The following NIM1K variants were observed in gnomAD, a reference collection of about 807,000 sequenced individuals.
The protein encoded by NIM1K is NIM1 serine/threonine protein kinase.
NIM1K carries 35 observed loss-of-function variants against 37.1 expected under a neutral mutation model. That is an observed-to-expected ratio of 0.94 (90% CI 0.72 to 1.25). The LOEUF (loss-of-function observed/expected upper bound fraction) is 1.25, where lower values mean the gene tolerates loss of function less well. NIM1K is among the 50% of genes most tolerant of loss of function. The pLI, the probability that NIM1K is intolerant of heterozygous loss-of-function variation, is 0.00. For synonymous variants in NIM1K, 234 were observed against 206.6 expected, an observed-to-expected ratio of 1.13 and a Z score of -1.14; for missense variants, 564 against 548.0, an observed-to-expected ratio of 1.03 and a Z score of -0.29.
At chr5:43,259,838 T>A (rs964248436) in intron 2 of NIM1K, among the ~76,000 whole-genome samples, 3 of 152,124 alleles carry the variant, frequency 2.0e-5, no homozygotes, top group Admixed American at 6.5e-5. Flanking sequence ...ACTTTTGGGG[T>A]CTTAGTCACA....
chr5:43,280,795 A>T lies in NIM1K; in HGVS notation c.*66A>T. The T allele has an allele frequency of 9.3e-6, 13 of 1,402,838 alleles. No homozygotes were observed. The highest frequency in any genetic ancestry group is 1.2e-5 in the Non-Finnish European group (13 of 1,044,800). 86.9% of individuals were successfully genotyped at this position (1,402,838 alleles called of 1,614,324 possible). A position where few individuals can be genotyped will look rare whatever the true frequency, so the allele number is the denominator to read the frequency against. ...CTGCTTCTAAATTTTTTTCAAGGAC[A>T]ACTTGAGTGGAGACATTTTTGTAAT... On this transcript the variant is annotated 3_prime_UTR_variant, in exon 4 of 4. Transcript: ENST00000326035.
At chr5:43,232,462 G>A (rs1579969715) in intron 1 of NIM1K, 5 of 1,495,342 alleles carry the variant, frequency 3.3e-6, no homozygotes, top group African/African-American at 1.4e-5. Context: ...AAGCAGTGAT[G>A]GAGGACACAA....
intron 2 of NIM1K, among the ~76,000 whole-genome samples, chr5:43,260,342 G>A (rs1753008520): frequency 6.6e-6 from 1 of 152,214 alleles, no homozygotes; most frequent in Admixed American, 6.5e-5. Context: ...TTCCCCATTT[G>A]GTATGATGTT....
chr5:43,233,874 A>G (rs1752579090), intron 1 of NIM1K, among the ~76,000 whole-genome samples: 1 of 152,226 alleles, frequency 6.6e-6, no homozygotes, highest in Non-Finnish European at 1.5e-5. Context: ...CTTGTGATTC[A>G]ATGCATGATT....
At chr5:43,279,182 A>G (rs924089775) in intron 3 of NIM1K, among the ~76,000 whole-genome samples, 3 of 152,200 alleles carry the variant, frequency 2.0e-5, no homozygotes, top group Non-Finnish European at 4.4e-5. Context: ...CATGCTGAGC[A>G]CTGTTCTCAT....
At chr5:43,207,899 G>A (rs1330426759) in intron 1 of NIM1K, 8 of 315,674 alleles carry the variant, frequency 2.5e-5, no homozygotes, top group Non-Finnish European at 2.9e-5. Flanking sequence ...TCAGGCAATT[G>A]ATTGTGAATT....
intron 1 of NIM1K, among the ~76,000 whole-genome samples, chr5:43,228,546 C>A (rs565759842): frequency 1.6e-4 from 24 of 152,092 alleles, no homozygotes; most frequent in African/African-American, 5.1e-4. Context: ...TTTTCCCAAC[C>A]AGGTGCTGTG....
At chr5:43,275,896 ATTTTTTT>A (rs35301860) in intron 2 of NIM1K, among the ~76,000 whole-genome samples, 2 of 134,606 alleles carry the variant, frequency 1.5e-5, no homozygotes, top group African/African-American at 2.8e-5. Context: ...AAATTGAGTA[ATTTTTTT>A]TTTTTTTTTT....
intron 3 of NIM1K, among the ~76,000 whole-genome samples, chr5:43,278,064 T>A (rs1257636155): frequency 2.7e-5 from 4 of 150,378 alleles, no homozygotes; most frequent in African/African-American, 9.8e-5. Flanking sequence ...TTTTTTTTTT[T>A]AGACAGAGTC....
At chr5:43,276,303 A>G (rs1267759599) in intron 2 of NIM1K, among the ~76,000 whole-genome samples, 1 of 152,250 alleles carries the variant, frequency 6.6e-6, no homozygotes, top group Non-Finnish European at 1.5e-5. Flanking sequence ...AGCTCCAATC[A>G]TGGTGGAAGG....
At chr5:43,271,943 G>A (rs768345748) in intron 2 of NIM1K, among the ~76,000 whole-genome samples, 30 of 152,206 alleles carry the variant, frequency 2.0e-4, no homozygotes, top group African/African-American at 3.6e-4. Context: ...TTTAGGATTG[G>A]CATTTTTCAC....
Position 43,237,600 on chromosome 5 carries a change from T to C in NIM1K, c.-694-7482T>C, listed in dbSNP as rs1752640352. On this transcript the variant is annotated intron_variant, in intron 1 of 3. Coordinates refer to ENST00000326035, the MANE Select transcript of NIM1K (RefSeq NM_153361.4). Reference sequence around the variant, plus strand: ...CATTATGAAGCTTGATGTTTTGGACTCTACTAGAAAGTAGTCAAAAATATA... The same window carrying C: ...CATTATGAAGCTTGATGTTTTGGACCCTACTAGAAAGTAGTCAAAAATATA... Among the ~76,000 whole-genome samples the C allele has an allele frequency of 2.0e-5, 3 of 152,324 alleles. No homozygotes were observed. The South Asian group carries it at 6.2e-4, about 32-fold the overall frequency.
intron 3 of NIM1K, 114 bp downstream of exon 3, chr5:43,277,439 A>G: frequency 9.0e-7 from 1 of 1,106,544 alleles, no homozygotes. Context: ...TACAAAGCAG[A>G]CAGTAGTCCC....
intron 1 of NIM1K, chr5:43,206,908 T>G: frequency 1.3e-6 from 1 of 769,332 alleles, no homozygotes; most frequent in Non-Finnish European, 2.4e-6. Context: ...CCACATGGAT[T>G]GTGTTGCTGG....
At chr5:43,203,109 C>G (rs995974814) in intron 1 of NIM1K, among the ~76,000 whole-genome samples, 12 of 152,116 alleles carry the variant, frequency 7.9e-5, no homozygotes, top group African/African-American at 2.9e-4. Context: ...GCCCCACCGC[C>G]CCGCCATAGC....
At chr5:43,197,321 G>T (rs79769024) in intron 1 of NIM1K, among the ~76,000 whole-genome samples, 1 of 149,846 alleles carries the variant, frequency 6.7e-6, no homozygotes, top group Non-Finnish European at 1.5e-5. Flanking sequence ...AGAGTTGTCG[G>T]TGGTAGGGGG....
At chr5:43,221,257 T>C (rs1579963444) in intron 1 of NIM1K, among the ~76,000 whole-genome samples, 4 of 152,028 alleles carry the variant, frequency 2.6e-5, no homozygotes, top group African/African-American at 9.6e-5. Context: ...GGCCGATCAC[T>C]TGACGTCAGG....
At chr5:43,229,686 G>A (rs10040739) in intron 1 of NIM1K, among the ~76,000 whole-genome samples, 5,925 of 147,646 alleles carry the variant, frequency 0.04, 388 homozygotes, top group African/African-American at 0.14. Context: ...GCCCAGGCTG[G>A]AGTGCAGTGG....
intron 2 of NIM1K, among the ~76,000 whole-genome samples, chr5:43,252,565 TA>T (rs1342409459): frequency 4.8e-5 from 2 of 41,578 alleles, no homozygotes; most frequent in African/African-American, 8.6e-5. Flanking sequence ...GACAGTAGTC[TA>T]AAAAATTGAA....
Sources: gnomAD v4.1 joint callset for allele counts (sites outside exome capture counted in the v4.1 genomes callset) on GRCh38, gnomAD v4.1.1 for gene constraint, MANE v1.5 for transcripts, NCBI Gene and HGNC (gene_info 2026-07-23, HGNC 2026-07-21) for gene names.